Variants in ARHGEF28 observed in about 807,000 individuals in gnomAD.
ARHGEF28 encodes the protein Rho guanine nucleotide exchange factor 28, also known as 190 kDa guanine nucleotide exchange factor.
In ARHGEF28, 152 loss-of-function variants were observed where a neutral mutation model predicts 206.6. The ratio of observed to expected loss-of-function variants is 0.74; its 90% CI spans 0.64 to 0.84. ARHGEF28 has a LOEUF of 0.84. Ranked by LOEUF, ARHGEF28 falls within the 40% of genes least tolerant of loss-of-function variation. ARHGEF28 has a pLI of 0.00. For synonymous variants in ARHGEF28, 763 were observed against 776.4 expected (o/e 0.98, Z 0.29); for missense variants, 2,028 against 2,073.2 (o/e 0.98, Z 0.42).
At chr5:73,823,645 G>A (rs1296916280) in intron 9 of ARHGEF28, among the ~76,000 whole-genome samples, 1 of 152,144 alleles carries the variant, frequency 6.6e-6, no homozygotes, top group African/African-American at 2.4e-5. Flanking sequence ...AATAGGACAG[G>A]GCCAGGAAGT....
At position 73,852,663 on chromosome 5, in the gene ARHGEF28, C is replaced by T. The variant is rs377507968; in HGVS notation, c.1761C>T (p.Tyr587=). The change falls in exon 14 of 36, where the codon TAC becomes TAT. Residue 587 remains tyrosine, a synonymous_variant. Coordinates refer to ENST00000513042, the MANE Select transcript of ARHGEF28 (RefSeq NM_001177693.2). ...TGTGTCTTGTAGAGCAAAGAGCTTA[C>T]AGCTTATCGGAGCCACCAAGAGAAA... is the stretch of plus-strand genomic sequence containing the variant. ...VCSSSEEQRA[Y]SLSEPPRENR... is the part of the protein sequence containing the mutation. The T allele has an allele frequency of 1.1e-5, 17 of 1,613,508 alleles. No individual in the cohort carries two copies. Among genetic ancestry groups the T allele is most frequent in the Non-Finnish European group, 1.2e-5 (14 of 1,179,702 alleles).
chr5:73,723,750 T>C (rs1200670445), intron 2 of ARHGEF28, among the ~76,000 whole-genome samples: 1 of 152,198 alleles, frequency 6.6e-6, no homozygotes, highest in Non-Finnish European at 1.5e-5. Flanking sequence ...ATTTTTCTAA[T>C]ATCACAAAGG....
intron 28 of ARHGEF28, 47 bp downstream of exon 28, chr5:73,893,335 G>A: frequency 6.9e-7 from 1 of 1,451,014 alleles, no homozygotes; most frequent in Non-Finnish European, 9.2e-7. Context: ...GTTCTCCTGG[G>A]TGTTGGGAAA....
At chr5:73,823,248 G>A (rs777558975) in intron 9 of ARHGEF28, among the ~76,000 whole-genome samples, 2 of 152,150 alleles carry the variant, frequency 1.3e-5, no homozygotes, top group Admixed American at 6.5e-5. Flanking sequence ...AAACAATTCT[G>A]TATGCTCTTG....
chr5:73,926,592 C>T (rs1297981093), intron 35 of ARHGEF28, among the ~76,000 whole-genome samples: 2 of 152,192 alleles, frequency 1.3e-5, no homozygotes, highest in South Asian at 4.1e-4. Context: ...TTTGCAATGG[C>T]CACAGACTCC....
chr5:73,838,547 T>A (rs1287248862), intron 10 of ARHGEF28, among the ~76,000 whole-genome samples: 3 of 152,212 alleles, frequency 2.0e-5, no homozygotes, highest in Non-Finnish European at 4.4e-5. Flanking sequence ...GTTTCATAAT[T>A]TCAGTACAGA....
chr5:73,825,572 G>A (rs974188746), intron 9 of ARHGEF28, among the ~76,000 whole-genome samples: 2 of 152,172 alleles, frequency 1.3e-5, no homozygotes, highest in Non-Finnish European at 2.9e-5. Flanking sequence ...GACGTGACTC[G>A]ATTTCCTTTG....
chr5:73,827,512 G>A (rs1401448608), intron 9 of ARHGEF28, among the ~76,000 whole-genome samples: 3 of 152,104 alleles, frequency 2.0e-5, no homozygotes, highest in Non-Finnish European at 4.4e-5. Flanking sequence ...CTATGAGATG[G>A]ATATATTATT....
At chr5:73,780,348 A>C in intron 6 of ARHGEF28, 1 of 294,936 alleles carries the variant, frequency 3.4e-6, no homozygotes, top group South Asian at 4.1e-5. Flanking sequence ...ACAGGCCAGA[A>C]GCCCTTCTTT....
intron 2 of ARHGEF28, among the ~76,000 whole-genome samples, chr5:73,718,995 C>G (rs1429925189): frequency 6.6e-6 from 1 of 152,174 alleles, no homozygotes; most frequent in Admixed American, 6.5e-5. Flanking sequence ...AGTCAGCTGC[C>G]ACTCACTCAG....
intron 4 of ARHGEF28, among the ~76,000 whole-genome samples, chr5:73,768,942 C>T (rs1580592671): frequency 6.6e-6 from 1 of 152,098 alleles, no homozygotes; most frequent in East Asian, 1.9e-4. Context: ...GAATGAGGCT[C>T]ACGAGATCTG....
At chr5:73,688,333 A>AT (rs535465635) in intron 2 of ARHGEF28, among the ~76,000 whole-genome samples, 1 of 152,112 alleles carries the variant, frequency 6.6e-6, no homozygotes, top group South Asian at 2.1e-4. Context: ...CTTATAGGTG[A>AT]TTTTTTATTC....
chr5:73,914,391 C>CTTTTTTTTTTTT (rs571265796), intron 35 of ARHGEF28, among the ~76,000 whole-genome samples: 1 of 102,938 alleles, frequency 9.7e-6, no homozygotes, highest in Non-Finnish European at 1.9e-5. Context: ...TTCTGAATTG[C>CTTTTTTTTTTTT]TTTTTTTTTT....
chr5:73,896,135 T>G (rs1399828278), intron 29 of ARHGEF28, among the ~76,000 whole-genome samples: 1 of 152,098 alleles, frequency 6.6e-6, no homozygotes, highest in Non-Finnish European at 1.5e-5. Context: ...CCAAAGATAA[T>G]GGGATTGTGG....
chr5:73,921,341 T>C (rs942186226), intron 35 of ARHGEF28, among the ~76,000 whole-genome samples: 3 of 152,246 alleles, frequency 2.0e-5, no homozygotes, highest in African/African-American at 7.2e-5. Flanking sequence ...AGAGTTGTTC[T>C]GCTCAGACCT....
At chr5:73,776,963 T>C (rs1320479456) in intron 6 of ARHGEF28, among the ~76,000 whole-genome samples, 1 of 152,228 alleles carries the variant, frequency 6.6e-6, no homozygotes, top group Non-Finnish European at 1.5e-5. Flanking sequence ...TTTTCATTAA[T>C]TTATTGATTG....
intron 1 of ARHGEF28, among the ~76,000 whole-genome samples, chr5:73,657,659 T>C (rs1307430060): frequency 2.0e-5 from 3 of 152,208 alleles, no homozygotes; most frequent in African/African-American, 7.2e-5. Context: ...ATTACCAGTA[T>C]GGAACCATTT....
chr5:73,834,289 T>A (rs1483124253), intron 10 of ARHGEF28, among the ~76,000 whole-genome samples: 3 of 152,186 alleles, frequency 2.0e-5, no homozygotes, highest in African/African-American at 7.2e-5. Flanking sequence ...AAGAACTTAT[T>A]CATTGTGTAA....
chr5:73,932,355 C>T (rs1234028147), intron 35 of ARHGEF28, among the ~76,000 whole-genome samples: 2 of 152,112 alleles, frequency 1.3e-5, no homozygotes, highest in African/African-American at 2.4e-5. Flanking sequence ...TGTGACACAG[C>T]CTATAATTTG....
Sources: gnomAD v4.1 joint callset for allele counts (sites outside exome capture counted in the v4.1 genomes callset) on GRCh38, gnomAD v4.1.1 for gene constraint, MANE v1.5 for transcripts, NCBI Gene and HGNC (gene_info 2026-07-23, HGNC 2026-07-21) for gene names.